The following ACVR2A variants were observed in gnomAD, a reference collection of about 807,000 sequenced individuals.
ACVR2A encodes activin A receptor type 2A.
A neutral mutation model predicts 61.4 loss-of-function variants in ACVR2A; 7 were observed. That is an observed-to-expected ratio of 0.11 (90% CI 0.06 to 0.21). ACVR2A has a LOEUF of 0.21. Ranked by LOEUF, ACVR2A falls within the 10% of genes least tolerant of loss-of-function variation. ACVR2A has a pLI of 1.00. For synonymous variants in ACVR2A, 193 were observed against 208.3 expected, an observed-to-expected ratio of 0.93 and a Z score of 0.63; for missense variants, 322 against 621.7, an observed-to-expected ratio of 0.52 and a Z score of 5.13.
At chr2:147,849,630 G>T (rs543579245) in intron 1 of ACVR2A, among the ~76,000 whole-genome samples, 1 of 152,062 alleles carries the variant, frequency 6.6e-6, no homozygotes, top group Non-Finnish European at 1.5e-5. Context: ...TTGAACTCTG[G>T]TTTTAAGGGA....
intron 8 of ACVR2A, among the ~76,000 whole-genome samples, chr2:147,922,303 C>A (rs1346319690): frequency 1.3e-5 from 2 of 152,006 alleles, no homozygotes; most frequent in Non-Finnish European, 2.9e-5. Flanking sequence ...GCGTTATGGA[C>A]GTACCAATAT....
intron 10 of ACVR2A, among the ~76,000 whole-genome samples, 182 bp downstream of exon 10, chr2:147,926,343 G>A (rs1687499220): frequency 6.6e-6 from 1 of 151,840 alleles, no homozygotes; most frequent in Non-Finnish European, 1.5e-5. Context: ...GAAGGTGATT[G>A]TAAAGTAATA....
intron 1 of ACVR2A, among the ~76,000 whole-genome samples, chr2:147,884,136 C>T (rs904079097): frequency 6.6e-6 from 1 of 152,046 alleles, no homozygotes; most frequent in East Asian, 1.9e-4. Context: ...ATCTCTTATT[C>T]TTCTAAATTT....
chr2:147,850,951 C>T (rs1484844367), intron 1 of ACVR2A, among the ~76,000 whole-genome samples: 1 of 152,066 alleles, frequency 6.6e-6, no homozygotes, highest in South Asian at 2.1e-4. Context: ...GGATAGTGAT[C>T]AAGAATGTGG....
intron 1 of ACVR2A, among the ~76,000 whole-genome samples, chr2:147,889,105 T>G (rs1686515312): frequency 6.6e-6 from 1 of 152,194 alleles, no homozygotes; most frequent in Non-Finnish European, 1.5e-5. Flanking sequence ...ATTTGTTAGA[T>G]TGTGTGATTG....
In ACVR2A at chr2:147,854,176, A is replaced by G. The variant is rs183352758; in HGVS notation, c.55+8969A>G. 2.0e-5 allele frequency among the ~76,000 whole-genome samples: 3 copies of G among 152,354 alleles called. No individual in the cohort carries two copies. In the East Asian group the frequency reaches 5.8e-4, roughly 29 times the overall value. ...TGACTAAATGATACAGCCAAAGAACATATCATTATAGAGAGCCAGATAGCT... is the reference window on the plus strand; with the variant it reads ...TGACTAAATGATACAGCCAAAGAACGTATCATTATAGAGAGCCAGATAGCT... On this transcript the variant is annotated intron_variant, in intron 1 of 10. Transcript: ENST00000241416.
chr2:147,885,789 G>A (rs1329561185), intron 1 of ACVR2A, among the ~76,000 whole-genome samples: 1 of 152,102 alleles, frequency 6.6e-6, no homozygotes, highest in African/African-American at 2.4e-5. Flanking sequence ...TAAAATTTAT[G>A]TGCTTTGTGA....
rs1211984361 is a variant in ACVR2A, at chr2:147,927,482, A to G, written c.*208A>G. 1 of 453,798 alleles carries G rather than the reference A, an allele frequency of 2.2e-6. No homozygotes were observed. Among genetic ancestry groups the G allele is most frequent in the African/African-American group, 2.1e-5 (1 of 48,736 alleles). The allele number at this position is 453,798 out of a possible 1,614,324, so 28.1% of individuals were successfully genotyped here. A position where few individuals can be genotyped will look rare whatever the true frequency, so the allele number is the denominator to read the frequency against. On this transcript the variant is annotated 3_prime_UTR_variant, in exon 11 of 11. Coordinates refer to ENST00000241416, the MANE Select transcript of ACVR2A (RefSeq NM_001616.5). ...GATGTGAAGGACATGAGACTAAGAG[A>G]AACCTTGCAAACTCTATAAAGAAAC...
At chr2:147,924,295 T>G (rs941913647) in intron 9 of ACVR2A, among the ~76,000 whole-genome samples, 1 of 151,986 alleles carries the variant, frequency 6.6e-6, no homozygotes, top group African/African-American at 2.4e-5. Flanking sequence ...TTAAGTAATT[T>G]AGGAGACACA....
At chr2:147,847,818 C>G (rs937877131) in intron 1 of ACVR2A, among the ~76,000 whole-genome samples, 1 of 152,118 alleles carries the variant, frequency 6.6e-6, no homozygotes, top group African/African-American at 2.4e-5. Flanking sequence ...TCTTAGTTTT[C>G]TTTTTATAGC....
intron 8 of ACVR2A, among the ~76,000 whole-genome samples, chr2:147,922,288 A>T (rs539017585): frequency 1.3e-5 from 2 of 152,096 alleles, no homozygotes; most frequent in Non-Finnish European, 2.9e-5. Context: ...CCACCTAAGG[A>T]TGGAGCGTTA....
At chr2:147,923,348 G>A (rs1301970213) in intron 9 of ACVR2A, among the ~76,000 whole-genome samples, 2 of 151,848 alleles carry the variant, frequency 1.3e-5, no homozygotes, top group Admixed American at 1.3e-4. Context: ...CATACCTTAA[G>A]GTTATTTCCT....
At chr2:147,895,776 CAT>C (rs1299732467) in intron 1 of ACVR2A, among the ~76,000 whole-genome samples, 1 of 152,034 alleles carries the variant, frequency 6.6e-6, no homozygotes, top group Non-Finnish European at 1.5e-5. Context: ...ATATGTATAA[CAT>C]AGAAAATATG....
At chr2:147,922,288 A>G (rs539017585) in intron 8 of ACVR2A, among the ~76,000 whole-genome samples, 3 of 152,096 alleles carry the variant, frequency 2.0e-5, no homozygotes, top group Non-Finnish European at 4.4e-5. Flanking sequence ...CCACCTAAGG[A>G]TGGAGCGTTA....
At chr2:147,924,750 C>T (rs1397645586) in intron 9 of ACVR2A, among the ~76,000 whole-genome samples, 2 of 151,890 alleles carry the variant, frequency 1.3e-5, no homozygotes, top group Non-Finnish European at 2.9e-5. Context: ...TTTAATGTGT[C>T]ATACCAGATT....
intron 1 of ACVR2A, among the ~76,000 whole-genome samples, chr2:147,888,908 T>A (rs1273475811): frequency 1.3e-5 from 2 of 152,172 alleles, no homozygotes; most frequent in African/African-American, 4.8e-5. Context: ...ACATTTGTTG[T>A]TTCACTGTTA....
chr2:147,856,145 A>G (rs577869370), intron 1 of ACVR2A, among the ~76,000 whole-genome samples: 1 of 152,282 alleles, frequency 6.6e-6, no homozygotes, highest in Admixed American at 6.5e-5. Flanking sequence ...TTCAGCTTGA[A>G]TGTTTTTATC....
intron 1 of ACVR2A, among the ~76,000 whole-genome samples, chr2:147,848,475 G>A (rs532472432): frequency 2.0e-5 from 3 of 152,152 alleles, no homozygotes; most frequent in Admixed American, 1.3e-4. Context: ...GCTTCTAATC[G>A]TCCTAAAATA....
Position 147,884,538 on chromosome 2 carries a change from C to T in ACVR2A, c.56-11763C>T, listed in dbSNP as rs141956789. ...ACTAAAATATTAGGAAGATAATTAGCAGTGAAGTGAAGCATAGGATAATTA... is the reference window on the plus strand; with the variant it reads ...ACTAAAATATTAGGAAGATAATTAGTAGTGAAGTGAAGCATAGGATAATTA... On this transcript the variant is annotated intron_variant, in intron 1 of 10. Transcript: ENST00000241416. 2.0e-5 allele frequency among the ~76,000 whole-genome samples: 3 copies of T among 152,062 alleles called. No individual in the cohort carries two copies. The South Asian group carries it at 6.2e-4, about 32-fold the overall frequency.
Sources: gnomAD v4.1 joint callset for allele counts (sites outside exome capture counted in the v4.1 genomes callset) on GRCh38, gnomAD v4.1.1 for gene constraint, MANE v1.5 for transcripts, NCBI Gene and HGNC (gene_info 2026-07-23, HGNC 2026-07-21) for gene names.